The following TPTE variants were observed in gnomAD, a reference collection of about 807,000 sequenced individuals.
TPTE encodes putative tyrosine-protein phosphatase TPTE.
Under a neutral mutation model 84.1 loss-of-function variants are expected in TPTE, and 59 were observed. That is an observed-to-expected ratio of 0.70 (90% CI 0.57 to 0.87). The LOEUF is 0.87. TPTE is among the 40% of genes least tolerant of loss of function. The probability of loss-of-function intolerance (pLI) is 0.00; values close to 1 mark genes in which losing one functional copy is unlikely to be tolerated. For missense variants in TPTE, 382 were observed against 659.6 expected, an observed-to-expected ratio of 0.58 and a Z score of 4.61; for synonymous variants, 130 against 223.5, an observed-to-expected ratio of 0.58 and a Z score of 3.73.
intron 23 of TPTE, among the ~76,000 whole-genome samples, chr21:10,605,167 A>G (rs1412567158): frequency 1.3e-5 from 2 of 152,302 alleles, no homozygotes; most frequent in Non-Finnish European, 2.9e-5. Flanking sequence ...TTAAACTTGG[A>G]TGTCATTAAT....
rs1341837168 is a variant in TPTE, at chr21:10,543,186, C to T, written c.120-143C>T. 5.8e-5 allele frequency: 67 copies of T among 1,148,052 alleles called. 1 individual carries two copies. The highest frequency in any genetic ancestry group is 1.8e-4 in the African/African-American group (8 of 44,260). 71.1% of individuals were successfully genotyped at this position (1,148,052 alleles called of 1,614,324 possible). On this transcript the variant is annotated intron_variant, in intron 6 of 23. Coordinates refer to ENST00000618007, the MANE Select transcript of TPTE (RefSeq NM_199261.4). ...CTGGGACTACAGGCGCCCGCCACCGCGCCCAGCTAATTTTTTTTTGTATTT... is the reference window on the plus strand; with the variant it reads ...CTGGGACTACAGGCGCCCGCCACCGTGCCCAGCTAATTTTTTTTTGTATTT...
At chr21:10,529,920 T>A (rs1320497400) in intron 3 of TPTE, among the ~76,000 whole-genome samples, 1 of 152,302 alleles carries the variant, frequency 6.6e-6, no homozygotes. Context: ...GGTGATTTTT[T>A]TTTTAAAAAA....
intron 5 of TPTE, among the ~76,000 whole-genome samples, chr21:10,541,642 A>G (rs2074371471): frequency 6.6e-6 from 1 of 152,308 alleles, no homozygotes; most frequent in African/African-American, 2.4e-5. Context: ...CCACATTTTT[A>G]CATTGTTTAG....
rs532258981 is a variant in TPTE, at chr21:10,597,756, G to A, written c.1277-259G>A. Among the ~76,000 whole-genome samples, 4 of 152,422 alleles carry A rather than the reference G, an allele frequency of 2.6e-5. No homozygotes were observed. In the East Asian group the frequency reaches 5.8e-4, roughly 22 times the overall value. The stretch of plus-strand genomic sequence containing the variant: ...TTTTTCTGGAAAGATAAAAGTGATG[G>A]GATTCTAAGTCTTCGAAGCTGAACT... On this transcript the variant is annotated intron_variant, in intron 20 of 23. Transcript: ENST00000618007.
chr21:10,534,725 T>C (rs2074238411), intron 3 of TPTE, among the ~76,000 whole-genome samples: 1 of 152,312 alleles, frequency 6.6e-6, no homozygotes. Context: ...ATAGAGTTTC[T>C]TGGACACTGT....
chr21:10,590,563 GAGTTTGCT>G, intron 18 of TPTE, 40 bp downstream of exon 18: 1 of 1,612,680 alleles, frequency 6.2e-7, no homozygotes, highest in Non-Finnish European at 8.5e-7. Flanking sequence ...TAGGATGATT[GAGTTTGCT>G]AGTTCTGAAA....
intron 3 of TPTE, among the ~76,000 whole-genome samples, chr21:10,528,893 A>C (rs1047715658): frequency 6.6e-6 from 1 of 152,308 alleles, no homozygotes. Context: ...GTGTTTGTCA[A>C]AAGTGTTTTC....
chr21:10,587,606 A>G (rs1207842605), intron 17 of TPTE, among the ~76,000 whole-genome samples: 36 of 152,306 alleles, frequency 2.4e-4, no homozygotes, highest in African/African-American at 7.7e-4. Context: ...CTGGAGTGCA[A>G]TGGCGCAGTC....
At chr21:10,593,779 G>T (rs569995623) in intron 19 of TPTE, among the ~76,000 whole-genome samples, 90 of 152,226 alleles carry the variant, frequency 5.9e-4, no homozygotes, top group Non-Finnish European at 1.1e-3. Flanking sequence ...CCCTGAAACC[G>T]AAGTGAGAGC....
intron 4 of TPTE, 44 bp from the exon 5 acceptor site, chr21:10,541,068 A>G (rs2074360224): frequency 5.0e-6 from 8 of 1,611,074 alleles, no homozygotes; most frequent in Non-Finnish European, 6.8e-6. Context: ...GCAAAACATT[A>G]GAATTACGCA....
chr21:10,560,999 ATTT>A, intron 9 of TPTE, 28 bp from the exon 10 acceptor site: 1 of 1,576,920 alleles, frequency 6.3e-7, no homozygotes, highest in African/African-American at 1.6e-5. Flanking sequence ...CTTTGCATTT[ATTT>A]ATTTATTTAT....
At chr21:10,536,178 T>C (rs561295202) in intron 3 of TPTE, among the ~76,000 whole-genome samples, 24 of 152,418 alleles carry the variant, frequency 1.6e-4, no homozygotes, top group Middle Eastern at 3.4e-3. Flanking sequence ...CTCAGGAGGC[T>C]GAGGAAGGAG....
chr21:10,525,545 G>A (rs1443185900), intron 2 of TPTE, among the ~76,000 whole-genome samples: 2 of 152,308 alleles, frequency 1.3e-5, no homozygotes, highest in African/African-American at 4.8e-5. Flanking sequence ...ATGAATATCT[G>A]TATGTGTGGC....
In TPTE at chr21:10,541,136, A is replaced by G; in HGVS notation, c.36A>G (p.Gly12=). 1.2e-6 allele frequency: 2 copies of G among 1,613,352 alleles called. No homozygotes were observed. Among genetic ancestry groups the G allele is most frequent in the Non-Finnish European group, 1.7e-6 (2 of 1,179,346 alleles). The part of the protein sequence containing the change: ...NESPDPTDLA[G]VIIELGPNDS... ...GTCCTGATCCGACTGACCTGGCGGG[A>G]GTCATCATTGAGCTCGGCCCCAATG... The change falls in exon 5 of 24, where the codon GGA becomes GGG. Residue 12 remains glycine (G), a synonymous_variant. Transcript: ENST00000618007.
intron 14 of TPTE, among the ~76,000 whole-genome samples, chr21:10,575,970 G>A (rs2075141866): frequency 6.6e-6 from 1 of 152,310 alleles, no homozygotes; most frequent in Non-Finnish European, 1.5e-5. Flanking sequence ...AAGAAATGCT[G>A]TTGGTGGGTG....
chr21:10,550,141 C>A (rs1163389135), intron 7 of TPTE, among the ~76,000 whole-genome samples: 1 of 152,312 alleles, frequency 6.6e-6, no homozygotes, highest in Non-Finnish European at 1.5e-5. Flanking sequence ...CACCACTAGA[C>A]CAACATTACA....
chr21:10,597,580 A>G (rs1196978148), intron 20 of TPTE, among the ~76,000 whole-genome samples: 1 of 152,302 alleles, frequency 6.6e-6, no homozygotes, highest in Non-Finnish European at 1.5e-5. Flanking sequence ...ACGCCTGGCT[A>G]ATTTTTGTAT....
chr21:10,545,218 G>A (rs1288811615), intron 7 of TPTE, among the ~76,000 whole-genome samples: 2 of 149,952 alleles, frequency 1.3e-5, no homozygotes, highest in East Asian at 3.8e-4. Flanking sequence ...AAAGAAGAGA[G>A]GCATATATTA....
Position 10,590,476 on chromosome 21 carries a change from A to G in TPTE, c.1042A>G (p.Met348Val), listed in dbSNP as rs774942411. Residue 348 changes from methionine (M) to valine (V), a missense_variant, in exon 18 of 24, where the codon ATG (methionine) becomes GTG (valine). Physicochemically the swap from Met to Val is conservative, Grantham distance 21. Around this residue, in one of 10 missense-constraint regions of TPTE, gnomAD observed 37 missense variants for 28.3 expected, o/e 1.31. Transcript: ENST00000618007. ...TTCTTTTCTAGATAGAACAGGAACT[A>G]TGGTTTGTGCCTTCCTTATTGCCTC... Reference protein sequence around the residue: ...CKGGTDRTGTMVCAFLIASEI... With the variant: ...CKGGTDRTGTVVCAFLIASEI... 1.9e-6 allele frequency: 3 copies of G among 1,614,008 alleles called. No individual in the cohort carries two copies. The African/African-American group carries it at 4.0e-5, about 22-fold the overall frequency.
Sources: allele counts gnomAD v4.1 joint callset (sites outside exome capture counted in the v4.1 genomes callset), GRCh38; gene constraint gnomAD v4.1.1; regional missense constraint gnomAD v4.1.1; transcripts MANE v1.5; gene names NCBI Gene and HGNC (gene_info 2026-07-23, HGNC 2026-07-21).